NAA15: variants seen among roughly 807,000 people sequenced by gnomAD.
NAA15 encodes N-terminal acetyltransferase.
A neutral mutation model predicts 114.0 loss-of-function variants in NAA15; 34 were observed. The observed-to-expected ratio is 0.30, with a 90% CI of 0.23 to 0.40. NAA15 has a LOEUF of 0.40. Among genes scored for constraint, NAA15 ranks in the 10% least tolerant of loss-of-function variants. The pLI, the probability that NAA15 is intolerant of heterozygous loss-of-function variation, is 1.00. For synonymous variants in NAA15, 340 were observed against 338.0 expected (o/e 1.01, Z -0.06); for missense variants, 658 against 1,004.5 (o/e 0.66, Z 4.66).
chr4:139,315,035 G>GT, intron 1 of NAA15, among the ~76,000 whole-genome samples: 1 of 84,368 alleles, frequency 1.2e-5, no homozygotes, highest in African/African-American at 5.6e-5. Context: ...GGTTAGGTTA[G>GT]GTTAGGTTAG....
At chr4:139,303,649 TAGTC>T (rs1271541306) in intron 1 of NAA15, among the ~76,000 whole-genome samples, 1 of 152,044 alleles carries the variant, frequency 6.6e-6, no homozygotes, top group Non-Finnish European at 1.5e-5. Context: ...ATACAAAAAT[TAGTC>T]AGGCATGGTG....
chr4:139,308,256 C>T lies in NAA15; in HGVS notation c.54+6425C>T, dbSNP rs565292391. Among the ~76,000 whole-genome samples the T allele has an allele frequency of 1.4e-4, 21 of 152,226 alleles. No individual in the cohort carries two copies. In the South Asian group the frequency reaches 3.1e-3, roughly 23 times the overall value. On this transcript the variant is annotated intron_variant, in intron 1 of 19. Coordinates refer to ENST00000296543, the MANE Select transcript of NAA15 (RefSeq NM_057175.5). ...GATTACAGGCATGAACCACCGCGCCCGGCCCATTGTATAATAGGTAAATTA... is the reference window on the plus strand; with the variant it reads ...GATTACAGGCATGAACCACCGCGCCTGGCCCATTGTATAATAGGTAAATTA...
chr4:139,316,408 G>T (rs1579086689), intron 1 of NAA15, among the ~76,000 whole-genome samples: 1 of 151,466 alleles, frequency 6.6e-6, no homozygotes, highest in African/African-American at 2.4e-5. Context: ...TCTCTCTAGG[G>T]CATCTTTTGT....
intron 1 of NAA15, among the ~76,000 whole-genome samples, chr4:139,304,924 T>C (rs1745959226): frequency 6.6e-6 from 1 of 152,160 alleles, no homozygotes; most frequent in Non-Finnish European, 1.5e-5. Flanking sequence ...CTTTTGGGTT[T>C]AGAGATAGAG....
intron 14 of NAA15, among the ~76,000 whole-genome samples, chr4:139,363,542 G>A (rs1748193174): frequency 6.6e-6 from 1 of 152,082 alleles, no homozygotes; most frequent in East Asian, 1.9e-4. Flanking sequence ...TAATAGTATT[G>A]CTCCATGTCT....
chr4:139,365,374 G>A (rs1256754965), intron 14 of NAA15, among the ~76,000 whole-genome samples: 1 of 152,064 alleles, frequency 6.6e-6, no homozygotes, highest in Non-Finnish European at 1.5e-5. Flanking sequence ...GTTTAGTATA[G>A]CATAGAAGAA....
rs541181417 is a variant in NAA15 at position 139,351,149 on chromosome 4, A to G, written c.812-42A>G. On this transcript the variant is annotated intron_variant, in intron 7 of 19. Coordinates refer to ENST00000296543, the MANE Select transcript of NAA15 (RefSeq NM_057175.5). ...CGTAATTTTCCAGAAAAAATATACA[A>G]TTTATGATTATATATAACAAAGAAT... 65 of 1,050,444 alleles carry G rather than the reference A, an allele frequency of 6.2e-5. No individual in the cohort carries two copies. The African/African-American group carries it at 8.9e-4, about 14-fold the overall frequency. 65.1% of individuals were successfully genotyped at this position (1,050,444 alleles called of 1,614,324 possible). A position where few individuals can be genotyped will look rare whatever the true frequency, so the allele number is the denominator to read the frequency against.
chr4:139,315,000 GTTTA>G lies in NAA15; in HGVS notation c.54+13170_54+13173del, dbSNP rs1560952724. 3.4e-3 allele frequency among the ~76,000 whole-genome samples: 267 copies of G among 78,814 alleles called. 13 individuals carry two copies. The highest frequency in any genetic ancestry group is 5.8e-3 in the Admixed American group (47 of 8,096). 51.7% of individuals were successfully genotyped at this position (78,814 alleles called of 152,430 possible). ...CTAGAGAAGCGTTCAGTTCAGTTCA[GTTTA>G]GTTTAGGTTAGGTTAGGTTAGGTTA... On this transcript the variant is annotated intron_variant, in intron 1 of 19. Coordinates refer to ENST00000296543, the MANE Select transcript of NAA15 (RefSeq NM_057175.5).
At chr4:139,330,010 C>T (rs989445045) in intron 1 of NAA15, among the ~76,000 whole-genome samples, 1 of 152,158 alleles carries the variant, frequency 6.6e-6, no homozygotes, top group African/African-American at 2.4e-5. Context: ...CTGTTAGCAC[C>T]ACCTGTTGAA....
At chr4:139,315,019 AGG>A (rs1553992531) in intron 1 of NAA15, among the ~76,000 whole-genome samples, 21,015 of 127,684 alleles carry the variant, frequency 0.16, 3,116 homozygotes, top group Non-Finnish European at 0.18. Context: ...AGGTTAGGTT[AGG>A]TTAGGTTAGG....
At chr4:139,329,636 G>A (rs973580147) in intron 1 of NAA15, among the ~76,000 whole-genome samples, 1 of 152,170 alleles carries the variant, frequency 6.6e-6, no homozygotes, top group Non-Finnish European at 1.5e-5. Context: ...TGGCAAGTTG[G>A]AACTCTTACT....
intron 1 of NAA15, among the ~76,000 whole-genome samples, chr4:139,321,197 A>T (rs1746589969): frequency 6.6e-6 from 1 of 151,578 alleles, no homozygotes; most frequent in South Asian, 2.1e-4. Flanking sequence ...GCTTCTGCTT[A>T]TGTTGGGTTA....
chr4:139,310,405 G>C (rs924112175), intron 1 of NAA15, among the ~76,000 whole-genome samples: 31 of 145,358 alleles, frequency 2.1e-4, no homozygotes, highest in Admixed American at 9.7e-4. Flanking sequence ...AGTGAGCCGA[G>C]ATCCCGCCAC....
intron 19 of NAA15, among the ~76,000 whole-genome samples, chr4:139,387,037 A>C (rs1748929557): frequency 2.0e-5 from 3 of 152,224 alleles, no homozygotes; most frequent in Non-Finnish European, 4.4e-5. Flanking sequence ...ATATTCATTT[A>C]ATAGCAAATG....
At chr4:139,371,516 C>CACACAA (rs1203999591) in intron 15 of NAA15, among the ~76,000 whole-genome samples, 1 of 147,680 alleles carries the variant, frequency 6.8e-6, no homozygotes, top group Non-Finnish European at 1.5e-5. Context: ...CACACACACA[C>CACACAA]ACACACACAC....
At chr4:139,376,509 G>T in intron 16 of NAA15, 36 bp downstream of exon 16, 1 of 1,246,618 alleles carries the variant, frequency 8.0e-7, no homozygotes, top group South Asian at 1.2e-5. Flanking sequence ...TGACAAAACT[G>T]ATCACTGTAT....
At chr4:139,348,051 A>T (rs1467981088) in intron 6 of NAA15, among the ~76,000 whole-genome samples, 2 of 152,046 alleles carry the variant, frequency 1.3e-5, no homozygotes, top group Non-Finnish European at 2.9e-5. Flanking sequence ...AAAAAAAAAA[A>T]AAAAAGAAAG....
intron 3 of NAA15, among the ~76,000 whole-genome samples, chr4:139,340,668 T>A (rs1747354445): frequency 6.6e-6 from 1 of 152,250 alleles, no homozygotes; most frequent in Non-Finnish European, 1.5e-5. Context: ...TTAATGAGAC[T>A]GATTTGTCCA....
At chr4:139,371,690 A>G (rs1016546127) in intron 15 of NAA15, among the ~76,000 whole-genome samples, 4 of 152,106 alleles carry the variant, frequency 2.6e-5, no homozygotes, top group Non-Finnish European at 5.9e-5. Flanking sequence ...AAGCACAGAA[A>G]ATGGACCTTT....
Sources: gnomAD v4.1 joint callset for allele counts (sites outside exome capture counted in the v4.1 genomes callset) on GRCh38, gnomAD v4.1.1 for gene constraint, MANE v1.5 for transcripts, NCBI Gene and HGNC (gene_info 2026-07-23, HGNC 2026-07-21) for gene names.